Variants in MYO3B observed in about 807,000 individuals in gnomAD.
MYO3B encodes myosin IIIB.
MYO3B carries 156 observed loss-of-function variants against 174.6 expected under a neutral mutation model. That is an observed-to-expected ratio of 0.89 (90% CI 0.78 to 1.02). The LOEUF (loss-of-function observed/expected upper bound fraction) is 1.02. Among genes scored for constraint, MYO3B ranks in the 50% least tolerant of loss-of-function variants. The pLI is 0.00. For missense variants in MYO3B, 1,632 were observed against 1,639.4 expected (o/e 1.00, Z 0.08); for synonymous variants, 563 against 569.1 (o/e 0.99, Z 0.15).
chr2:170,387,452 A>T (rs879253200), intron 14 of MYO3B, 144 bp downstream of exon 14: 1 of 800,488 alleles, frequency 1.2e-6, no homozygotes, highest in Non-Finnish European at 1.9e-6. Flanking sequence ...GCAAAGGATC[A>T]GTGGTAGTTT....
At position 170,358,779 on chromosome 2, in the gene MYO3B, C is replaced by T. The variant is rs150656807; in HGVS notation, c.816-10443C>T. On this transcript the variant is annotated intron_variant, in intron 8 of 34. Coordinates refer to ENST00000408978, the MANE Select transcript of MYO3B (RefSeq NM_138995.5). Reference sequence around the variant, plus strand: ...GATTGTGGGTCTCCAAGAATAGGGACGGCCTTCTCCGTAGTAGGCAAATTC... The same window carrying T: ...GATTGTGGGTCTCCAAGAATAGGGATGGCCTTCTCCGTAGTAGGCAAATTC... Among the ~76,000 whole-genome samples, 847 of 152,218 alleles carry T rather than the reference C, an allele frequency of 5.6e-3. 6 individuals carry two copies. The highest frequency in any genetic ancestry group is 0.015 in the African/African-American group (603 of 41,540).
Position 170,199,050 on chromosome 2 carries a change from G to T in MYO3B, c.3-158G>T, listed in dbSNP as rs75679552. Among the ~76,000 whole-genome samples the T allele has an allele frequency of 1.1e-3, 166 of 152,146 alleles. 6 individuals carry two copies. In the East Asian group the frequency reaches 0.029, roughly 27 times the overall value. Reference sequence around the variant, plus strand: ...TCTTTTATTACCATTTCTTAAGGAGGGTCCAAGTTCTTTTTCAAAAAATTT... The same window carrying T: ...TCTTTTATTACCATTTCTTAAGGAGTGTCCAAGTTCTTTTTCAAAAAATTT... On this transcript the variant is annotated intron_variant, in intron 1 of 34. Coordinates refer to ENST00000408978, the MANE Select transcript of MYO3B (RefSeq NM_138995.5).
intron 7 of MYO3B, among the ~76,000 whole-genome samples, chr2:170,294,303 C>G (rs1434219457): frequency 6.6e-6 from 1 of 151,234 alleles, no homozygotes; most frequent in East Asian, 1.9e-4. Context: ...TGGTTTTTCC[C>G]CTCATAATAT....
At chr2:170,345,563 A>G (rs1482284660) in intron 8 of MYO3B, among the ~76,000 whole-genome samples, 1 of 152,086 alleles carries the variant, frequency 6.6e-6, no homozygotes, top group African/African-American at 2.4e-5. Context: ...TTAGTGAATA[A>G]TGAGAATTTT....
intron 9 of MYO3B, among the ~76,000 whole-genome samples, chr2:170,371,777 C>T (rs2094247482): frequency 6.6e-6 from 1 of 151,144 alleles, no homozygotes; most frequent in African/African-American, 2.4e-5. Context: ...ACAGTTATGG[C>T]CACCCGGCAG....
At chr2:170,541,715 T>G (rs1388327688) in intron 30 of MYO3B, among the ~76,000 whole-genome samples, 2 of 152,170 alleles carry the variant, frequency 1.3e-5, no homozygotes, top group Non-Finnish European at 2.9e-5. Context: ...TTACTGAGCA[T>G]TTTCTATGTA....
intron 32 of MYO3B, among the ~76,000 whole-genome samples, chr2:170,587,164 T>G (rs1693539250): frequency 6.6e-6 from 1 of 152,232 alleles, no homozygotes; most frequent in Admixed American, 6.5e-5. Context: ...TTACATAATT[T>G]TAGATAATGA....
intron 25 of MYO3B, among the ~76,000 whole-genome samples, chr2:170,491,247 TATTTA>T (rs1485569943): frequency 2.0e-5 from 3 of 152,162 alleles, no homozygotes; most frequent in Admixed American, 1.3e-4. Flanking sequence ...TTTTCATTTT[TATTTA>T]ATTTAAAGTA....
intron 6 of MYO3B, among the ~76,000 whole-genome samples, chr2:170,227,580 C>T (rs1235670129): frequency 2.0e-5 from 3 of 152,134 alleles, no homozygotes; most frequent in Non-Finnish European, 2.9e-5. Flanking sequence ...CCACAGTGCC[C>T]GGCCTCCCAT....
intron 14 of MYO3B, among the ~76,000 whole-genome samples, chr2:170,388,374 C>T (rs1378392639): frequency 6.6e-6 from 1 of 152,080 alleles, no homozygotes; most frequent in Admixed American, 6.6e-5. Context: ...GGGAACGACA[C>T]ATAACCTAGT....
At chr2:170,601,742 G>C (rs766971739) in intron 32 of MYO3B, 4 of 1,492,780 alleles carry the variant, frequency 2.7e-6, no homozygotes, top group East Asian at 4.6e-5. Context: ...CCTTTAGCTC[G>C]ATATGTAGCT....
chr2:170,378,293 C>G (rs1574878856), intron 9 of MYO3B, among the ~76,000 whole-genome samples: 1 of 152,126 alleles, frequency 6.6e-6, no homozygotes, highest in African/African-American at 2.4e-5. Context: ...CCAAAGAACA[C>G]TAGTTGTGGA....
At chr2:170,254,436 G>C (rs1028421648) in intron 7 of MYO3B, among the ~76,000 whole-genome samples, 2 of 152,186 alleles carry the variant, frequency 1.3e-5, no homozygotes, top group Non-Finnish European at 2.9e-5. Flanking sequence ...GGGACTCGGG[G>C]GGGCGCATCT....
intron 22 of MYO3B, among the ~76,000 whole-genome samples, chr2:170,414,596 A>C (rs1181171180): frequency 6.6e-6 from 1 of 152,176 alleles, no homozygotes; most frequent in Non-Finnish European, 1.5e-5. Flanking sequence ...TTTTAAATGC[A>C]GCTTGTCTAT....
intron 25 of MYO3B, among the ~76,000 whole-genome samples, chr2:170,475,851 CT>C (rs1456015518): frequency 6.6e-6 from 1 of 152,212 alleles, no homozygotes; most frequent in Non-Finnish European, 1.5e-5. Flanking sequence ...ATGTTAACTT[CT>C]GCTTAACCCC....
chr2:170,449,939 A>G (rs937922737), intron 23 of MYO3B, among the ~76,000 whole-genome samples: 1 of 152,194 alleles, frequency 6.6e-6, no homozygotes, highest in African/African-American at 2.4e-5. Flanking sequence ...TGCATTCAAG[A>G]GAACCCATCA....
intron 7 of MYO3B, among the ~76,000 whole-genome samples, chr2:170,261,100 C>A (rs140784359): frequency 1.3e-5 from 2 of 152,086 alleles, no homozygotes; most frequent in African/African-American, 4.8e-5. Context: ...CTTGGCTCAC[C>A]GCAAACTCCG....
At chr2:170,388,119 A>T (rs2094389081) in intron 14 of MYO3B, among the ~76,000 whole-genome samples, 1 of 152,060 alleles carries the variant, frequency 6.6e-6, no homozygotes, top group Non-Finnish European at 1.5e-5. Flanking sequence ...TCTCAGGAGC[A>T]TGGCTCCGCA....
chr2:170,605,580 G>A lies in MYO3B; in HGVS notation c.3734-46048G>A, dbSNP rs199848171. ...TTAATAAGTGGCATCATGTTTGGCC[G>A]GGCACGGTGGCTCACGCCTGCAATC... is the stretch of plus-strand genomic sequence containing the variant. On this transcript the variant is annotated intron_variant, in intron 32 of 34. Coordinates refer to ENST00000408978, the MANE Select transcript of MYO3B (RefSeq NM_138995.5). 5.3e-5 allele frequency among the ~76,000 whole-genome samples: 8 copies of A among 152,242 alleles called. No individual in the cohort carries two copies. In the East Asian group the frequency reaches 5.8e-4, roughly 11 times the overall value.
Sources: gnomAD v4.1 joint callset for allele counts (sites outside exome capture counted in the v4.1 genomes callset) on GRCh38, gnomAD v4.1.1 for gene constraint, MANE v1.5 for transcripts, NCBI Gene and HGNC (gene_info 2026-07-23, HGNC 2026-07-21) for gene names.